The following AK8 variants were observed in gnomAD, a reference collection of about 807,000 sequenced individuals.
AK8 encodes the protein ATP-AMP transphosphorylase 8.
AK8 carries 44 observed loss-of-function variants against 54.6 expected under a neutral mutation model. The ratio of observed to expected loss-of-function variants is 0.81; its 90% CI spans 0.63 to 1.04. AK8 has a LOEUF of 1.04. Ranked by LOEUF, AK8 falls within the 50% of genes least tolerant of loss-of-function variation. The pLI is 0.00. For missense variants in AK8, 555 were observed against 613.6 expected, an observed-to-expected ratio of 0.90 and a Z score of 1.01; for synonymous variants, 239 against 245.6, an observed-to-expected ratio of 0.97 and a Z score of 0.25.
chr9:132,812,973 G>A, intron 10 of AK8, among the ~76,000 whole-genome samples: 7 of 139,710 alleles, frequency 5.0e-5, no homozygotes, highest in South Asian at 2.5e-4. Flanking sequence ...CTCATTCTGT[G>A]GCCACCGCAG....
chr9:132,741,652 T>A (rs1057290137), intron 11 of AK8, among the ~76,000 whole-genome samples: 4 of 152,040 alleles, frequency 2.6e-5, no homozygotes, highest in Non-Finnish European at 5.9e-5. Context: ...TTTGTTTTTG[T>A]TTTGACATCT....
chr9:132,777,191 T>C (rs945415892), intron 11 of AK8, among the ~76,000 whole-genome samples: 2 of 152,164 alleles, frequency 1.3e-5, no homozygotes, highest in Non-Finnish European at 2.9e-5. Flanking sequence ...GGGTTGAACG[T>C]ACTTCTCAGA....
intron 4 of AK8, 105 bp from the exon 5 acceptor site, chr9:132,855,030 A>C: frequency 8.4e-7 from 1 of 1,189,118 alleles, no homozygotes; most frequent in Non-Finnish European, 1.2e-6. Context: ...TCTGGAAAGC[A>C]CCGACCACCA....
At chr9:132,794,484 G>A (rs554467824) in intron 10 of AK8, among the ~76,000 whole-genome samples, 58 of 152,276 alleles carry the variant, frequency 3.8e-4, no homozygotes, top group Non-Finnish European at 5.1e-4. Context: ...CCTCCCCAGG[G>A]AAGTCTCTGA....
intron 9 of AK8, among the ~76,000 whole-genome samples, chr9:132,817,445 T>C (rs1354087770): frequency 6.6e-6 from 1 of 152,180 alleles, no homozygotes. Flanking sequence ...ACACCAGGAC[T>C]TTAAAACAGC....
chr9:132,802,242 TC>T (rs1173635998), intron 10 of AK8, among the ~76,000 whole-genome samples: 2 of 151,932 alleles, frequency 1.3e-5, no homozygotes, highest in Non-Finnish European at 2.9e-5. Context: ...ACTAAAATGT[TC>T]ACATCAAGCC....
At position 132,826,173 on chromosome 9, in the gene AK8, A is replaced by G. The variant is rs978873820; in HGVS notation, c.757+681T>C. Among the ~76,000 whole-genome samples the G allele has an allele frequency of 1.3e-5, 2 of 152,172 alleles. No individual in the cohort carries two copies. Among genetic ancestry groups the G allele is most frequent in the Admixed American group, 6.5e-5 (1 of 15,280 alleles). The stretch of plus-strand genomic sequence containing the variant: ...TCACCTACGCCTGGGAGGAGGGCAC[A>G]AGTTTTGTTCCTATTTTAGCGATGC... On this transcript the variant is annotated intron_variant, in intron 8 of 12. Transcript: ENST00000298545. The surrounding 1 kb of genome is among the most constrained non-coding windows in gnomAD (Gnocchi z 4.5).
chr9:132,758,758 A>G (rs954397961), intron 11 of AK8, among the ~76,000 whole-genome samples: 4 of 150,926 alleles, frequency 2.7e-5, no homozygotes, highest in Admixed American at 2.0e-4. Flanking sequence ...CGCATTTTCC[A>G]TTTTCTAATG....
rs111644719 is a variant in AK8, at chr9:132,775,562, G to A, written c.1121+17072C>T. Among the ~76,000 whole-genome samples the A allele has an allele frequency of 5.3e-3, 800 of 152,160 alleles. 5 individuals are homozygous for A. Among genetic ancestry groups the A allele is most frequent in the African/African-American group, 0.018 (751 of 41,526 alleles). On this transcript the variant is annotated intron_variant, in intron 11 of 12. Coordinates refer to ENST00000298545, the MANE Select transcript of AK8 (RefSeq NM_152572.3). ...AAGTGATCTGCCCGCCTCAGCCTCC[G>A]CCTCCCAAAGTGCTGGGATTACAGG...
intron 5 of AK8, among the ~76,000 whole-genome samples, chr9:132,833,959 C>T (rs1032853733): frequency 7.2e-5 from 11 of 152,264 alleles, no homozygotes; most frequent in Non-Finnish European, 1.2e-4. Flanking sequence ...AGGACCAGAG[C>T]GTGGGGCTCC....
intron 11 of AK8, among the ~76,000 whole-genome samples, chr9:132,756,977 T>C (rs1250090283): frequency 6.6e-6 from 1 of 152,220 alleles, no homozygotes; most frequent in African/African-American, 2.4e-5. Context: ...CTCAAATGTT[T>C]ATTGCCTCTC....
rs1024618676 is a variant in AK8 at position 132,725,628 on chromosome 9, G to A, written c.*60C>T. On this transcript the variant is annotated 3_prime_UTR_variant, in exon 13 of 13. Coordinates refer to ENST00000298545, the MANE Select transcript of AK8 (RefSeq NM_152572.3). ...TTTTAGGGGAGCTGTGCCGAGGCTG[G>A]GGGGCTGGGGGCAGGGGATTAACTC... The A allele has an allele frequency of 6.9e-7, 1 of 1,443,174 alleles. No individual in the cohort carries two copies. The highest frequency in any genetic ancestry group is 9.5e-7 in the Non-Finnish European group (1 of 1,055,060). 89.4% of individuals were successfully genotyped at this position (1,443,174 alleles called of 1,614,324 possible).
rs955744771 is a variant in AK8 at position 132,826,383 on chromosome 9, G to A, written c.757+471C>T. The stretch of plus-strand genomic sequence containing the variant: ...TGTGGACAGCAACGCAGTGCCAGGC[G>A]CGGGGCCATGTATCTCCATCCTAAA... On this transcript the variant is annotated intron_variant, in intron 8 of 12. Transcript: ENST00000298545. The surrounding 1 kb of genome is among the most constrained non-coding windows in gnomAD (Gnocchi z 4.5). Among the ~76,000 whole-genome samples the A allele has an allele frequency of 1.5e-4, 23 of 152,228 alleles. No homozygotes were observed. The highest frequency in any genetic ancestry group is 5.1e-4 in the African/African-American group (21 of 41,446).
chr9:132,765,313 A>AAAAAAAAAAAAAAG (rs1282305418), intron 11 of AK8, among the ~76,000 whole-genome samples: 1 of 150,840 alleles, frequency 6.6e-6, no homozygotes, highest in African/African-American at 2.4e-5. Flanking sequence ...AAAAAAAAAA[A>AAAAAAAAAAAAAAG]AGAGAATTCA....
At chr9:132,794,413 T>C (rs1840067054) in intron 10 of AK8, among the ~76,000 whole-genome samples, 2 of 152,062 alleles carry the variant, frequency 1.3e-5, no homozygotes. Context: ...GGAACACCCT[T>C]CTCCCACATC....
intron 10 of AK8, among the ~76,000 whole-genome samples, chr9:132,794,508 C>A (rs1840072279): frequency 6.6e-6 from 1 of 152,184 alleles, no homozygotes; most frequent in African/African-American, 2.4e-5. Context: ...CAGCCCCCAG[C>A]CTGCACTTCT....
intron 11 of AK8, among the ~76,000 whole-genome samples, chr9:132,732,291 C>T (rs532066610): frequency 2.0e-5 from 3 of 152,196 alleles, no homozygotes; most frequent in East Asian, 3.9e-4. Context: ...GGATTTCTGA[C>T]CTTTCAGGGT....
At position 132,828,083 on chromosome 9, in the gene AK8, A is replaced by T. The variant is rs759470362; in HGVS notation, c.486T>A (p.Ile162=). 6.4e-7 allele frequency: 1 copy of T among 1,568,780 alleles called. No homozygotes were observed. ...GGACCGTGTCTGGAGCACTCAGCAC[A>T]ACTGGGCAGAGAAGAAAAGGAGCAA... ...QTLGITPRHV[I]VLSAPDTVLI... Residue 162 remains isoleucine, a splice_region_variant and synonymous_variant, in exon 7 of 13, where the codon ATT becomes ATA. Transcript: ENST00000298545.
chr9:132,823,104 C>T (rs1841718273), intron 9 of AK8, 101 bp downstream of exon 9: 2 of 1,431,402 alleles, frequency 1.4e-6, no homozygotes, highest in Non-Finnish European at 9.2e-7. Flanking sequence ...ACTGACCCTT[C>T]CCCCCCAACA....
Sources: gnomAD v4.1 joint callset for allele counts (sites outside exome capture counted in the v4.1 genomes callset) on GRCh38, gnomAD v4.1.1 for gene constraint, Gnocchi (gnomAD v3.1) non-coding constraint, MANE v1.5 for transcripts, NCBI Gene and HGNC (gene_info 2026-07-23, HGNC 2026-07-21) for gene names.